Variants in IFT81 observed in about 807,000 individuals in gnomAD.
IFT81 encodes the protein intraflagellar transport 81.
A neutral mutation model predicts 102.6 loss-of-function variants in IFT81; 72 were observed. The observed-to-expected ratio is 0.70, with a 90% CI of 0.58 to 0.85. IFT81 has a LOEUF of 0.85. Ranked by LOEUF, IFT81 falls within the 40% of genes least tolerant of loss-of-function variation. IFT81 has a pLI of 0.00. For missense variants in IFT81, 723 were observed against 787.3 expected (o/e 0.92, Z 0.98); for synonymous variants, 237 against 242.7 (o/e 0.98, Z 0.22).
In IFT81 at chr12:110,208,475, C is replaced by T. The variant is rs531177264; in HGVS notation, c.1803-696C>T. ...GAGGTGTGATCATGCCACTGCACTCCAACCTGGGCAACAGAGTGAGACCTT... is the reference window on the plus strand; with the variant it reads ...GAGGTGTGATCATGCCACTGCACTCTAACCTGGGCAACAGAGTGAGACCTT... On this transcript the variant is annotated intron_variant, in intron 17 of 18. Coordinates refer to ENST00000242591, the MANE Select transcript of IFT81 (RefSeq NM_014055.4). Among the ~76,000 whole-genome samples, 6 of 152,114 alleles carry T rather than the reference C, an allele frequency of 3.9e-5. No homozygotes were observed. In the East Asian group the frequency reaches 1.2e-3, roughly 29 times the overall value.
At chr12:110,164,016 A>G (rs1225596083) in intron 11 of IFT81, among the ~76,000 whole-genome samples, 1 of 152,208 alleles carries the variant, frequency 6.6e-6, no homozygotes, top group Non-Finnish European at 1.5e-5. Flanking sequence ...AGATAATACA[A>G]AAATCTATAT....
At chr12:110,211,112 T>C (rs1869366031) in intron 18 of IFT81, among the ~76,000 whole-genome samples, 1 of 150,916 alleles carries the variant, frequency 6.6e-6, no homozygotes, top group African/African-American at 2.4e-5. Flanking sequence ...CCTCCCACCT[T>C]GGCCTCCCAA....
At chr12:110,143,634 C>A in intron 9 of IFT81, 89 bp downstream of exon 9, 1 of 1,016,540 alleles carries the variant, frequency 9.8e-7, no homozygotes, top group Non-Finnish European at 1.4e-6. Flanking sequence ...TAGTATCCCA[C>A]TATTGACTCT....
At chr12:110,207,092 C>T (rs961075309) in intron 17 of IFT81, among the ~76,000 whole-genome samples, 1 of 151,374 alleles carries the variant, frequency 6.6e-6, no homozygotes, top group Non-Finnish European at 1.5e-5. Flanking sequence ...TGCAGTGGCA[C>T]GATCTCGGCT....
rs1198455748 is a variant in IFT81 at position 110,209,447 on chromosome 12, C to T, written c.1848+231C>T. ...ATCTATTTTTAAATCACAGAGAGTT[C>T]ATGATAATGTTCTGCGTTACAGTTT... On this transcript the variant is annotated intron_variant, in intron 18 of 18. Transcript: ENST00000242591. 3.3e-5 allele frequency among the ~76,000 whole-genome samples: 5 copies of T among 152,132 alleles called. No individual in the cohort carries two copies. The East Asian group carries it at 9.6e-4, about 29-fold the overall frequency.
intron 18 of IFT81, among the ~76,000 whole-genome samples, chr12:110,215,232 G>T (rs145582473): frequency 6.6e-6 from 1 of 151,520 alleles, no homozygotes; most frequent in Non-Finnish European, 1.5e-5. Flanking sequence ...GAAAGGATGA[G>T]GTTGTTCCTT....
intron 11 of IFT81, chr12:110,168,442 TC>T: frequency 1.1e-6 from 1 of 929,074 alleles, no homozygotes; most frequent in Non-Finnish European, 1.3e-6. Context: ...GTGGTAGAAT[TC>T]AAGTTTTGTT....
chr12:110,145,028 A>AT (rs753990394), intron 9 of IFT81, among the ~76,000 whole-genome samples: 29,736 of 110,996 alleles, frequency 0.27, 4,791 homozygotes, highest in Non-Finnish European at 0.33. Flanking sequence ...ACTATGCCTA[A>AT]TTTTTTTTTT....
chr12:110,131,307 TA>T (rs1894148798), intron 4 of IFT81, among the ~76,000 whole-genome samples: 1 of 151,990 alleles, frequency 6.6e-6, no homozygotes, highest in Non-Finnish European at 1.5e-5. Flanking sequence ...AAAACTATTT[TA>T]AAAAATTTTT....
chr12:110,170,440 G>A (rs922698840), intron 11 of IFT81, among the ~76,000 whole-genome samples: 1 of 152,162 alleles, frequency 6.6e-6, no homozygotes, highest in Non-Finnish European at 1.5e-5. Flanking sequence ...CTCATTTACT[G>A]GAAGGACGAA....
chr12:110,192,051 G>C (rs1385343608), intron 13 of IFT81, among the ~76,000 whole-genome samples: 1 of 151,750 alleles, frequency 6.6e-6, no homozygotes, highest in Non-Finnish European at 1.5e-5. Flanking sequence ...CACTCCTGTA[G>C]TTCCAGCTTC....
In IFT81 at chr12:110,218,164, C is replaced by A; in HGVS notation, c.1969C>A (p.Gln657Lys). The stretch of plus-strand genomic sequence containing the variant: ...TAAGAAACAGTGCTTTCTGAAACAA[C>A]AAAGCCAAACTTCCATTGGTCAGGT... ...ECKKQCFLKQQSQTSIGQVIQ... is the reference protein window; with the variant it reads ...ECKKQCFLKQKSQTSIGQVIQ... Residue 657 changes from glutamine (Q) to lysine (K), a missense_variant, in exon 19 of 19, where the codon CAA becomes AAA. By Grantham distance (53) the Gln-to-Lys change is moderately conservative. Transcript: ENST00000242591. The A allele has an allele frequency of 6.3e-7, 1 of 1,586,040 alleles. No homozygotes were observed. Among genetic ancestry groups the A allele is most frequent in the Admixed American group, 1.9e-5 (1 of 51,844 alleles).
At chr12:110,214,286 G>C (rs1869818038) in intron 18 of IFT81, among the ~76,000 whole-genome samples, 1 of 149,682 alleles carries the variant, frequency 6.7e-6, no homozygotes, top group African/African-American at 2.5e-5. Context: ...TTTTTTTTGA[G>C]ATAGAGACTC....
intron 8 of IFT81, among the ~76,000 whole-genome samples, chr12:110,142,271 G>A (rs991118586): frequency 1.3e-5 from 2 of 152,000 alleles, no homozygotes; most frequent in African/African-American, 2.4e-5. Context: ...AGGTTCAAGC[G>A]ATCCTTGTTC....
rs142480853 is a variant in IFT81, at chr12:110,169,953, T to G, written c.1188+6888T>G. Among the ~76,000 whole-genome samples, 709 of 152,102 alleles carry G rather than the reference T, an allele frequency of 4.7e-3. 6 individuals carry two copies. Among genetic ancestry groups the G allele is most frequent in the African/African-American group, 0.016 (677 of 41,482 alleles). On this transcript the variant is annotated intron_variant, in intron 11 of 18. Transcript: ENST00000242591. ...GTTGGGTTTTTTAATCTTTATTTAT[T>G]TTATTTATTTATTTTTTGAGATGGA...
intron 3 of IFT81, 72 bp from the exon 4 acceptor site, chr12:110,128,878 A>T: frequency 8.9e-7 from 1 of 1,123,158 alleles, no homozygotes. Context: ...TCAGATTTTG[A>T]GAAAATGCTG....
At chr12:110,209,784 A>G (rs1869172996) in intron 18 of IFT81, among the ~76,000 whole-genome samples, 1 of 152,170 alleles carries the variant, frequency 6.6e-6, no homozygotes, top group African/African-American at 2.4e-5. Flanking sequence ...AAAAAAAAAA[A>G]AAAATTATTC....
intron 8 of IFT81, among the ~76,000 whole-genome samples, chr12:110,143,142 C>A (rs1042741077): frequency 6.6e-6 from 1 of 152,040 alleles, no homozygotes; most frequent in African/African-American, 2.4e-5. Context: ...TTGAAAGGGT[C>A]ATAATAGCAC....
Position 110,180,425 on chromosome 12 carries a change from A to G in IFT81, c.1192A>G (p.Lys398Glu). ...ACATATTGTGTTTTTTTTACAGTTC[A>G]AACGATATGTCAATAAACTTCGAAG... is the stretch of plus-strand genomic sequence containing the variant. ...GTEVLKGDEFKRYVNKLRSKS... is the reference protein window; with the variant it reads ...GTEVLKGDEFERYVNKLRSKS... The change falls in exon 12 of 19, where the codon AAA becomes GAA. Residue 398 changes from lysine to glutamate, a missense_variant. Coordinates refer to ENST00000242591, the MANE Select transcript of IFT81 (RefSeq NM_014055.4). 6.3e-7 allele frequency: 1 copy of G among 1,594,178 alleles called. No homozygotes were observed. Among genetic ancestry groups the G allele is most frequent in the Non-Finnish European group, 8.6e-7 (1 of 1,165,488 alleles).
Sources: gnomAD v4.1 joint callset for allele counts (sites outside exome capture counted in the v4.1 genomes callset) on GRCh38, gnomAD v4.1.1 for gene constraint, MANE v1.5 for transcripts, NCBI Gene and HGNC (gene_info 2026-07-23, HGNC 2026-07-21) for gene names.